IGF1R: variants seen among roughly 807,000 people sequenced by gnomAD.
The protein encoded by IGF1R is insulin like growth factor 1 receptor, also known as insulin-like growth factor 1 receptor.
A neutral mutation model predicts 144.6 loss-of-function variants in IGF1R; 44 were observed. That is an observed-to-expected ratio of 0.30 (90% CI 0.24 to 0.39). The LOEUF is 0.39. Among genes scored for constraint, IGF1R ranks in the 10% least tolerant of loss-of-function variants. The pLI is 1.00. For synonymous variants in IGF1R, 795 were observed against 722.8 expected, an observed-to-expected ratio of 1.10 and a Z score of -1.60; for missense variants, 1,355 against 1,833.7, an observed-to-expected ratio of 0.74 and a Z score of 4.77.
rs1488822067 is a variant in IGF1R, at chr15:98,957,659, A to C, written c.*217A>C. ...CAAGCAGCTTTTTATTCCCTGCCCA[A>C]ACCCTTAACTGACATGGGCCTTTAA... is the stretch of plus-strand genomic sequence containing the variant. On this transcript the variant is annotated 3_prime_UTR_variant, in exon 21 of 21. Transcript: ENST00000650285. The C allele has an allele frequency of 1.6e-6, 1 of 616,316 alleles. No homozygotes were observed. The highest frequency in any genetic ancestry group is 2.8e-5 in the Admixed American group (1 of 35,674). The allele number at this position is 616,316 out of a possible 1,614,324, so 38.2% of individuals were successfully genotyped here.
At chr15:98,814,874 A>G (rs985863523) in intron 2 of IGF1R, among the ~76,000 whole-genome samples, 4 of 152,230 alleles carry the variant, frequency 2.6e-5, no homozygotes, top group Admixed American at 6.5e-5. Context: ...AAGACTTGCT[A>G]TGATGCTTCC....
chr15:98,673,702 TG>T (rs2052957967), intron 1 of IGF1R, among the ~76,000 whole-genome samples: 1 of 152,198 alleles, frequency 6.6e-6, no homozygotes, highest in African/African-American at 2.4e-5. Flanking sequence ...TTTCTGCTGA[TG>T]GTGTAGTGCT....
chr15:98,946,705 C>A (rs1467514937), intron 19 of IGF1R, among the ~76,000 whole-genome samples: 1 of 152,066 alleles, frequency 6.6e-6, no homozygotes, highest in Non-Finnish European at 1.5e-5. Context: ...GTGTGAGACG[C>A]AGTGAGTTTG....
intron 1 of IGF1R, among the ~76,000 whole-genome samples, chr15:98,666,144 G>A (rs2052732053): frequency 6.6e-6 from 1 of 152,178 alleles, no homozygotes; most frequent in Admixed American, 6.5e-5. Context: ...AGTCATTGGT[G>A]AAATGTAAGT....
chr15:98,914,910 A>G (rs770480706), intron 8 of IGF1R, among the ~76,000 whole-genome samples: 4 of 152,194 alleles, frequency 2.6e-5, no homozygotes, highest in Admixed American at 6.5e-5. Flanking sequence ...CTGAGCATCA[A>G]GTGGTTGTGT....
At chr15:98,863,276 G>A (rs2012257574) in intron 2 of IGF1R, among the ~76,000 whole-genome samples, 1 of 152,096 alleles carries the variant, frequency 6.6e-6, no homozygotes. Flanking sequence ...GGAGATGCGT[G>A]ATGTTTCCTT....
intron 2 of IGF1R, among the ~76,000 whole-genome samples, chr15:98,718,614 C>T (rs1400622074): frequency 2.0e-5 from 3 of 152,210 alleles, no homozygotes; most frequent in African/African-American, 7.2e-5. Flanking sequence ...CATACATCTG[C>T]CCTTGGCAGC....
chr15:98,659,091 A>C (rs2052545167), intron 1 of IGF1R, among the ~76,000 whole-genome samples: 2 of 152,226 alleles, frequency 1.3e-5, no homozygotes, highest in African/African-American at 4.8e-5. Flanking sequence ...TTGGATAGAA[A>C]TATAAGGCTT....
Position 98,854,481 on chromosome 15 carries a change from C to T in IGF1R, c.641-36844C>T, listed in dbSNP as rs116303072. Among the ~76,000 whole-genome samples, 437 of 152,312 alleles carry T rather than the reference C, an allele frequency of 2.9e-3. 4 individuals carry two copies. The highest frequency in any genetic ancestry group is 1.0e-2 in the African/African-American group (414 of 41,554). On this transcript the variant is annotated intron_variant, in intron 2 of 20. Coordinates refer to ENST00000650285, the MANE Select transcript of IGF1R (RefSeq NM_000875.5). ...CCCTTCTCTGTCTGGTAAATCATCTCTCCCATTCTTTCTTCTGCGGCCCTT... is the reference window on the plus strand; with the variant it reads ...CCCTTCTCTGTCTGGTAAATCATCTTTCCCATTCTTTCTTCTGCGGCCCTT...
intron 19 of IGF1R, among the ~76,000 whole-genome samples, chr15:98,947,704 G>T (rs749250633): frequency 2.7e-4 from 41 of 152,218 alleles, no homozygotes; most frequent in Non-Finnish European, 5.1e-4. Context: ...TGGCAAAGCT[G>T]CATGCATATG....
intron 2 of IGF1R, among the ~76,000 whole-genome samples, 187 bp downstream of exon 2, chr15:98,708,294 T>C (rs566973593): frequency 6.6e-6 from 1 of 152,298 alleles, no homozygotes; most frequent in East Asian, 1.9e-4. Flanking sequence ...TTCCTTTGCA[T>C]CTGGGACTCT....
chr15:98,732,124 G>C (rs1367884875), intron 2 of IGF1R, among the ~76,000 whole-genome samples: 1 of 152,226 alleles, frequency 6.6e-6, no homozygotes, highest in Admixed American at 6.5e-5. Context: ...TGGGGAGGCT[G>C]ACATGGAAAC....
In IGF1R at chr15:98,912,056, C is replaced by T. The variant is rs374152489; in HGVS notation, c.1589+615C>T. ...CATGACATTCCCCCATCTAAGCAGC[C>T]GAGGCTTATTCCTCCCGACTGCAGC... On this transcript the variant is annotated intron_variant, in intron 7 of 20. Coordinates refer to ENST00000650285, the MANE Select transcript of IGF1R (RefSeq NM_000875.5). Among the ~76,000 whole-genome samples, 8 of 152,178 alleles carry T rather than the reference C, an allele frequency of 5.3e-5. No homozygotes were observed. The East Asian group carries it at 7.7e-4, about 15-fold the overall frequency.
At chr15:98,903,573 G>A (rs1240365869) in intron 5 of IGF1R, among the ~76,000 whole-genome samples, 1 of 152,110 alleles carries the variant, frequency 6.6e-6, no homozygotes, top group Non-Finnish European at 1.5e-5. Context: ...CAAGACTTGT[G>A]TATGAATGCT....
chr15:98,889,848 A>G lies in IGF1R; in HGVS notation c.641-1477A>G, dbSNP rs1270284560. Among the ~76,000 whole-genome samples, 5 of 152,258 alleles carry G rather than the reference A, an allele frequency of 3.3e-5. No homozygotes were observed. The East Asian group carries it at 5.8e-4, about 18-fold the overall frequency. On this transcript the variant is annotated intron_variant, in intron 2 of 20. Coordinates refer to ENST00000650285, the MANE Select transcript of IGF1R (RefSeq NM_000875.5). ...GAATCTCCACTCAATATTGCATGTC[A>G]GAGTCAAAAAGATACACATTTAAAT...
At position 98,934,833 on chromosome 15, in the gene IGF1R, C is replaced by G; in HGVS notation, c.2966C>G (p.Pro989Arg). 1 of 1,614,042 alleles carries G rather than the reference C, an allele frequency of 6.2e-7. No homozygotes were observed. The highest frequency in any genetic ancestry group is 8.5e-7 in the Non-Finnish European group (1 of 1,179,966). ...ACGGTTTCTTCTCCAGTGTACGTTC[C>G]TGATGAGTGGGAGGTGGCTCGGGAG... is the stretch of plus-strand genomic sequence containing the variant. ...EYFSAADVYV[P>R]DEWEVAREKI... Residue 989 changes from proline to arginine, a missense_variant, in exon 16 of 21, where the codon CCT becomes CGT. Physicochemically the swap from Pro to Arg is moderately radical, Grantham distance 103. This residue lies in a region of IGF1R where 880 missense variants were observed against 1,202.7 expected (regional missense o/e 0.73). Transcript: ENST00000650285.
Position 98,649,122 on chromosome 15 carries a change from G to C in IGF1R, c.-460G>C, listed in dbSNP as rs2052272803. 1 of 219,186 alleles carries C rather than the reference G, an allele frequency of 4.6e-6. No homozygotes were observed. The highest frequency in any genetic ancestry group is 9.2e-6 in the Non-Finnish European group (1 of 109,270). The allele number at this position is 219,186 out of a possible 1,614,324, so 13.6% of individuals were successfully genotyped here. A position where few individuals can be genotyped will look rare whatever the true frequency, so the allele number is the denominator to read the frequency against. ...TCGCCTGTGACCCGGACTTCGGGGC[G>C]ATCTTGCGAACTGCGTCGCGCCCTC... On this transcript the variant is annotated 5_prime_UTR_variant, in exon 1 of 21. Coordinates refer to ENST00000650285, the MANE Select transcript of IGF1R (RefSeq NM_000875.5).
intron 5 of IGF1R, among the ~76,000 whole-genome samples, chr15:98,905,189 G>A (rs1366932257): frequency 6.6e-6 from 1 of 152,194 alleles, no homozygotes; most frequent in African/African-American, 2.4e-5. Context: ...AGATAACATA[G>A]AGATGTCCTC....
At chr15:98,764,633 A>C (rs991909900) in intron 2 of IGF1R, among the ~76,000 whole-genome samples, 3 of 152,242 alleles carry the variant, frequency 2.0e-5, no homozygotes, top group African/African-American at 4.8e-5. Flanking sequence ...AATTTAAACA[A>C]TTTGTAGTTT....
Sources: gnomAD v4.1 joint callset for allele counts (sites outside exome capture counted in the v4.1 genomes callset) on GRCh38, gnomAD v4.1.1 for gene constraint, gnomAD v4.1.1 regional missense constraint, MANE v1.5 for transcripts, NCBI Gene and HGNC (gene_info 2026-07-23, HGNC 2026-07-21) for gene names.